GCNA: variants seen among roughly 807,000 people sequenced by gnomAD.
GCNA encodes the protein germ cell nuclear acidic protein.
In GCNA, 3 loss-of-function variants were observed where a neutral mutation model predicts 38.8. The observed-to-expected ratio is 0.08, with a 90% CI of 0.04 to 0.20. GCNA has a LOEUF of 0.20. Ranked by LOEUF, GCNA falls within the 10% of genes least tolerant of loss-of-function variation. GCNA has a pLI of 1.00. For missense variants in GCNA, 446 were observed against 578.6 expected, an observed-to-expected ratio of 0.77 and a Z score of 2.35; for synonymous variants, 195 against 240.2, an observed-to-expected ratio of 0.81 and a Z score of 1.74.
At chrX:71,607,482 C>A (rs758328628) in intron 9 of GCNA, among the ~76,000 whole-genome samples, 1 of 112,631 alleles carries the variant, frequency 8.9e-6, no homozygotes, top group East Asian at 2.8e-4. Flanking sequence ...TCTTTGGGCT[C>A]ATCTCTGGAC....
At chrX:71,594,060 C>A (rs777256325) in intron 4 of GCNA, among the ~76,000 whole-genome samples, 13 of 112,014 alleles carry the variant, frequency 1.2e-4, no homozygotes, top group South Asian at 3.7e-4. Flanking sequence ...TGGCAGAAAA[C>A]AGGCTTTTCA....
intron 2 of GCNA, among the ~76,000 whole-genome samples, 167 bp from the exon 3 acceptor site, chrX:71,591,955 G>C (rs1180154330): frequency 8.9e-6 from 1 of 112,393 alleles, no homozygotes; most frequent in Admixed American, 9.4e-5. Context: ...TTGTTCACTT[G>C]TGCTGTTGTG....
chrX:71,580,927 T>C, intron 2 of GCNA, 47 bp downstream of exon 2: 1 of 1,096,760 alleles, frequency 9.1e-7, no homozygotes, highest in South Asian at 2.0e-5. Context: ...TGTTACCGTA[T>C]TGGCAAAACA....
chrX:71,579,708 T>G (rs1399462318), intron 1 of GCNA, among the ~76,000 whole-genome samples: 50 of 89,200 alleles, frequency 5.6e-4, no homozygotes, highest in Non-Finnish European at 8.4e-4. Flanking sequence ...GATAGAAGTG[T>G]GGGGGAGTGG....
intron 2 of GCNA, among the ~76,000 whole-genome samples, chrX:71,591,599 C>T (rs1340259422): frequency 3.9e-5 from 4 of 101,670 alleles, no homozygotes; most frequent in South Asian, 5.0e-4. Context: ...TCCTTTCCCC[C>T]GAGGCTCTTT....
chrX:71,612,254 G>A, intron 11 of GCNA, 101 bp from the exon 12 acceptor site: 2 of 702,275 alleles, frequency 2.8e-6, no homozygotes, highest in Admixed American at 8.1e-5. Flanking sequence ...CTCCAGCCTG[G>A]GCGACAAAGC....
intron 1 of GCNA, among the ~76,000 whole-genome samples, chrX:71,579,503 G>A (rs1481731014): frequency 2.0e-5 from 2 of 99,787 alleles, no homozygotes; most frequent in South Asian, 9.9e-4. Flanking sequence ...GGCGTGGGGA[G>A]AAGTGAGGAT....
chrX:71,586,139 G>GTT (rs369229738), intron 2 of GCNA, among the ~76,000 whole-genome samples: 2 of 89,738 alleles, frequency 2.2e-5, no homozygotes. Flanking sequence ...TGAAATAAAT[G>GTT]TTTTTTTTTT....
At chrX:71,609,876 G>A (rs994679753) in intron 10 of GCNA, among the ~76,000 whole-genome samples, 1 of 112,152 alleles carries the variant, frequency 8.9e-6, no homozygotes, top group African/African-American at 3.2e-5. Flanking sequence ...AGATTTTTCA[G>A]ACTTCATCAT....
At chrX:71,594,034 A>G (rs1377201874) in intron 4 of GCNA, among the ~76,000 whole-genome samples, 2 of 111,476 alleles carry the variant, frequency 1.8e-5, no homozygotes, top group Non-Finnish European at 3.8e-5. Context: ...ATACCTTTAA[A>G]TAGAAATAAA....
At chrX:71,588,123 C>G (rs138842052) in intron 2 of GCNA, among the ~76,000 whole-genome samples, 1,957 of 111,666 alleles carry the variant, frequency 0.018, 18 homozygotes, top group Non-Finnish European at 0.029. Context: ...TCCTGTTGTT[C>G]TAGAGTAAGG....
rs749180152 is a variant in GCNA, at chrX:71,604,206, A to G, written c.929A>G (p.Asp310Gly). 1.6e-6 allele frequency: 2 copies of G among 1,212,671 alleles called. No homozygotes were observed. Among genetic ancestry groups the G allele is most frequent in the South Asian group, 3.5e-5 (2 of 57,058 alleles). ...TCGGAAGCTCCCGACGACAAGAGTGATGATTCGGATGTTCCCGAAGACAAG... is the reference window on the plus strand; with the variant it reads ...TCGGAAGCTCCCGACGACAAGAGTGGTGATTCGGATGTTCCCGAAGACAAG... ...DDSEAPDDKS[D>G]DSDVPEDKSD... Residue 310 changes from aspartate (D) to glycine (G), a missense_variant, in exon 8 of 13, where the codon GAT (aspartate) becomes GGT (glycine). By Grantham distance (94) the Asp-to-Gly change is moderately conservative. Around this residue, in one of 7 missense-constraint regions of GCNA, gnomAD observed 160 missense variants for 165.2 expected, o/e 0.97. Transcript: ENST00000373696.
At chrX:71,591,417 C>A (rs2040627510) in intron 2 of GCNA, among the ~76,000 whole-genome samples, 1 of 101,347 alleles carries the variant, frequency 9.9e-6, no homozygotes, top group Non-Finnish European at 2.0e-5. Flanking sequence ...GGAGCAGTGG[C>A]AGCTTTGAAA....
chrX:71,587,970 T>C (rs919401297), intron 2 of GCNA, among the ~76,000 whole-genome samples: 1 of 110,660 alleles, frequency 9.0e-6, no homozygotes, highest in South Asian at 3.8e-4. Flanking sequence ...AATTTTTGTA[T>C]TTTTAGTAGA....
At chrX:71,604,821 A>T in intron 8 of GCNA, 145 bp downstream of exon 8, 1 of 830,963 alleles carries the variant, frequency 1.2e-6, no homozygotes, top group South Asian at 2.7e-5. Flanking sequence ...CATCCATCCC[A>T]GTGCAAGGAT....
At chrX:71,595,328 T>A (rs1467600044) in intron 6 of GCNA, among the ~76,000 whole-genome samples, 2 of 111,687 alleles carry the variant, frequency 1.8e-5, no homozygotes, top group Non-Finnish European at 3.8e-5. Flanking sequence ...ACTCCTGACC[T>A]GAAGCGATCC....
At chrX:71,581,910 G>T (rs1032583780) in intron 2 of GCNA, among the ~76,000 whole-genome samples, 2 of 109,637 alleles carry the variant, frequency 1.8e-5, no homozygotes, top group Non-Finnish European at 3.8e-5. Context: ...TTATAAATCA[G>T]TAATTTAGAA....
chrX:71,595,007 A>T (rs2147719531), intron 6 of GCNA, among the ~76,000 whole-genome samples: 1 of 109,584 alleles, frequency 9.1e-6, no homozygotes, highest in Non-Finnish European at 1.9e-5. Flanking sequence ...TTCTTCTTTG[A>T]GGTATCTCTG....
intron 7 of GCNA, 40 bp downstream of exon 7, chrX:71,598,078 C>A: frequency 9.7e-7 from 1 of 1,031,852 alleles, no homozygotes; most frequent in Non-Finnish European, 1.4e-6. Flanking sequence ...AGCTGAGCTC[C>A]AAAGCCTCAT....
Sources: gnomAD v4.1 joint callset for allele counts (sites outside exome capture counted in the v4.1 genomes callset) on GRCh38, gnomAD v4.1.1 for gene constraint, gnomAD v4.1.1 regional missense constraint, MANE v1.5 for transcripts, NCBI Gene and HGNC (gene_info 2026-07-23, HGNC 2026-07-21) for gene names.